The following TMCC2 variants were observed in gnomAD, a reference collection of about 807,000 sequenced individuals.
The protein encoded by TMCC2 is transmembrane and coiled-coil domain family 2.
In TMCC2, 16 loss-of-function variants were observed where a neutral mutation model predicts 49.4. That is an observed-to-expected ratio of 0.32 (90% CI 0.22 to 0.49). TMCC2 has a LOEUF of 0.49. TMCC2 is among the 20% of genes least tolerant of loss of function. TMCC2 has a pLI of 0.99. For synonymous variants in TMCC2, 397 were observed against 434.1 expected (o/e 0.91, Z 1.06); for missense variants, 762 against 989.8 (o/e 0.77, Z 3.09).
intron 2 of TMCC2, among the ~76,000 whole-genome samples, chr1:205,252,358 C>G (rs1191579522): frequency 6.6e-6 from 1 of 152,220 alleles, no homozygotes; most frequent in Non-Finnish European, 1.5e-5. Flanking sequence ...CCTGATCTGT[C>G]TGCTTTCCCA....
intron 2 of TMCC2, among the ~76,000 whole-genome samples, chr1:205,258,697 G>A (rs189164652): frequency 6.6e-6 from 1 of 152,288 alleles, no homozygotes; most frequent in East Asian, 1.9e-4. Context: ...CCAAGGGTTG[G>A]AATAATTTTT....
intron 2 of TMCC2, among the ~76,000 whole-genome samples, chr1:205,267,385 A>G (rs1461915262): frequency 6.6e-6 from 1 of 152,120 alleles, no homozygotes; most frequent in East Asian, 1.9e-4. Context: ...TGACTGGGCC[A>G]CTATCTTTGT....
chr1:205,271,370 G>A (rs765871757), intron 4 of TMCC2, 115 bp downstream of exon 4: 124 of 1,531,586 alleles, frequency 8.1e-5, no homozygotes, highest in Non-Finnish European at 1.1e-4. Context: ...CCTGTTGGCC[G>A]GGGCCGATAG....
chr1:205,247,257 C>T lies in TMCC2; in HGVS notation c.747+5213C>T, dbSNP rs146619415. Among the ~76,000 whole-genome samples the T allele has an allele frequency of 7.9e-3, 1,210 of 152,272 alleles. 5 individuals carry two copies. The highest frequency in any genetic ancestry group is 0.027 in the Middle Eastern group (8 of 294). On this transcript the variant is annotated intron_variant, in intron 2 of 4. Transcript: ENST00000358024. ...AGACTAAGGCCTAGAGGAAAAGAGA[C>T]TGCTTGCCTATGGCACCCAGCTAGG... is the stretch of plus-strand genomic sequence containing the variant.
rs1402583688 is a variant in TMCC2 at position 205,269,368 on chromosome 1, C to T, written c.1166C>T (p.Ala389Val). The T allele has an allele frequency of 6.2e-7, 1 of 1,611,740 alleles. No individual in the cohort carries two copies. The highest frequency in any genetic ancestry group is 8.5e-7 in the Non-Finnish European group (1 of 1,179,042). The stretch of plus-strand genomic sequence containing the variant: ...CAGCAGGGGCTGAAGGACGTGGGCG[C>T]CAACGTGCGCGCAGGCATCAGCGGC... Reference protein sequence around the residue: ...DMQQGLKDVGANVRAGISGFG... With the variant: ...DMQQGLKDVGVNVRAGISGFG... Residue 389 changes from alanine to valine, a missense_variant, in exon 3 of 5, where the codon GCC (alanine) becomes GTC (valine). Transcript: ENST00000358024.
intron 2 of TMCC2, 40 bp from the exon 3 acceptor site, chr1:205,268,910 A>G: frequency 1.3e-6 from 2 of 1,597,850 alleles, no homozygotes; most frequent in East Asian, 4.5e-5. Context: ...CTATGGTCCC[A>G]GGGTTTACCC....
At chr1:205,270,521 C>T (rs1035389504) in intron 3 of TMCC2, among the ~76,000 whole-genome samples, 3 of 152,216 alleles carry the variant, frequency 2.0e-5, no homozygotes, top group Admixed American at 1.3e-4. Flanking sequence ...ACTTGCCGCT[C>T]GCTCCCTGGG....
At chr1:205,246,973 C>T (rs1660477892) in intron 2 of TMCC2, among the ~76,000 whole-genome samples, 1 of 152,044 alleles carries the variant, frequency 6.6e-6, no homozygotes, top group Admixed American at 6.5e-5. Flanking sequence ...ATGTGGCTCA[C>T]TGTGCCCAAG....
At chr1:205,229,018 C>A in intron 1 of TMCC2, 1 of 1,339,318 alleles carries the variant, frequency 7.5e-7, no homozygotes, top group Non-Finnish European at 9.6e-7. Context: ...ACTCACCCAT[C>A]CGAGATTGTT....
chr1:205,245,247 G>A (rs907510864), intron 2 of TMCC2, among the ~76,000 whole-genome samples: 2 of 152,196 alleles, frequency 1.3e-5, no homozygotes, highest in Non-Finnish European at 2.9e-5. Context: ...AAATCACTGC[G>A]ATTAATGAGG....
At chr1:205,258,727 A>G (rs901216148) in intron 2 of TMCC2, among the ~76,000 whole-genome samples, 4 of 152,188 alleles carry the variant, frequency 2.6e-5, no homozygotes, top group Non-Finnish European at 4.4e-5. Flanking sequence ...TCTTGCTGGA[A>G]TGTTGGGTTG....
At chr1:205,256,769 A>G (rs920222196) in intron 2 of TMCC2, among the ~76,000 whole-genome samples, 12 of 152,140 alleles carry the variant, frequency 7.9e-5, no homozygotes, top group Admixed American at 7.9e-4. Flanking sequence ...GCTCTTCGCT[A>G]TCCTGGAAGG....
chr1:205,236,490 G>C lies in TMCC2; in HGVS notation c.208-5015G>C, dbSNP rs561418639. 2.6e-5 allele frequency: 4 copies of C among 152,290 alleles called. No homozygotes were observed. In the South Asian group the frequency reaches 8.3e-4, roughly 32 times the overall value. The allele number at this position is 152,290 out of a possible 1,614,324, so 9.4% of individuals were successfully genotyped here. A position where few individuals can be genotyped will look rare whatever the true frequency, so the allele number is the denominator to read the frequency against. ...GATAGTGGCTGCTCAGAAAATAAAT[G>C]AACAAATAATTTACCTAGCTGTCTT... is the stretch of plus-strand genomic sequence containing the variant. On this transcript the variant is annotated intron_variant, in intron 1 of 4. Transcript: ENST00000358024.
chr1:205,250,122 AC>A (rs1660607949), intron 2 of TMCC2, among the ~76,000 whole-genome samples: 1 of 152,230 alleles, frequency 6.6e-6, no homozygotes, highest in South Asian at 2.1e-4. Context: ...AAGCTCTGAC[AC>A]CAGAGATCAT....
intron 2 of TMCC2, chr1:205,268,133 G>A (rs1420412179): frequency 2.1e-6 from 2 of 958,572 alleles, no homozygotes; most frequent in Non-Finnish European, 2.5e-6. Flanking sequence ...TGAACATGGG[G>A]TGGCGAGGGC....
chr1:205,241,939 C>T lies in TMCC2; in HGVS notation c.642C>T (p.His214=). The T allele has an allele frequency of 6.2e-7, 1 of 1,611,518 alleles. No individual in the cohort carries two copies. Among genetic ancestry groups the T allele is most frequent in the African/African-American group, 1.3e-5 (1 of 74,996 alleles). The stretch of plus-strand genomic sequence containing the variant: ...GCCTGGCCGCCATCCTGCACCAGCA[C>T]CAGTGCCGTCCCCGCTCTTCCTCCA... ...DSSLAAILHQ[H]QCRPRSSSTT... is the part of the protein sequence containing the mutation. Residue 214 remains histidine (H), a synonymous_variant, in exon 2 of 5, where the codon CAC becomes CAT. Transcript: ENST00000358024. The surrounding 1 kb of genome is among the most constrained non-coding windows in gnomAD (Gnocchi z 7.3).
In TMCC2 at chr1:205,264,554, G is replaced by A. The variant is rs1002899645; in HGVS notation, c.748-4396G>A. Among the ~76,000 whole-genome samples the A allele has an allele frequency of 6.6e-6, 1 of 151,780 alleles. No homozygotes were observed. The highest frequency in any genetic ancestry group is 1.5e-5 in the Non-Finnish European group (1 of 67,950). On this transcript the variant is annotated intron_variant, in intron 2 of 4. Coordinates refer to ENST00000358024, the MANE Select transcript of TMCC2 (RefSeq NM_014858.4). This position sits in a 1 kb window ranked among gnomAD's most constrained non-coding sequence, Gnocchi z 4.2. The stretch of plus-strand genomic sequence containing the variant: ...GGCTGCAGTGCAGTGGCGTGATCTC[G>A]GTTCACTGCAAGCTCCGCCTCCCAG...
chr1:205,237,429 T>C (rs1660097383), intron 1 of TMCC2, among the ~76,000 whole-genome samples: 1 of 152,180 alleles, frequency 6.6e-6, no homozygotes, highest in Non-Finnish European at 1.5e-5. Context: ...ACAGCCAAAC[T>C]GTTGGTAGGG....
Position 205,272,387 on chromosome 1 carries a change from G to T in TMCC2, c.*263G>T, listed in dbSNP as rs1434326480. 5.1e-6 allele frequency: 3 copies of T among 593,050 alleles called. No individual in the cohort carries two copies. The highest frequency in any genetic ancestry group is 3.3e-5 in the Admixed American group (1 of 30,360). 36.7% of individuals were successfully genotyped at this position (593,050 alleles called of 1,614,324 possible). ...GCAGAGGTGGACATGGGGTTGGATT[G>T]TTTTGATTATTTATAGTTACACAAG... On this transcript the variant is annotated 3_prime_UTR_variant, in exon 5 of 5. Coordinates refer to ENST00000358024, the MANE Select transcript of TMCC2 (RefSeq NM_014858.4).
Sources: gnomAD v4.1 joint callset for allele counts (sites outside exome capture counted in the v4.1 genomes callset) on GRCh38, gnomAD v4.1.1 for gene constraint, Gnocchi (gnomAD v3.1) non-coding constraint, MANE v1.5 for transcripts, NCBI Gene and HGNC (gene_info 2026-07-23, HGNC 2026-07-21) for gene names.